Variants in ADAMTSL1 observed in about 807,000 individuals in gnomAD.
ADAMTSL1 encodes ADAMTS like 1, also known as ADAMTS-like protein 1.
ADAMTSL1 carries 126 observed loss-of-function variants against 201.8 expected under a neutral mutation model. The ratio of observed to expected loss-of-function variants is 0.62; its 90% CI spans 0.54 to 0.72. The LOEUF (loss-of-function observed/expected upper bound fraction) is 0.72. Among genes scored for constraint, ADAMTSL1 ranks in the 30% least tolerant of loss-of-function variants. The pLI is 0.00. For synonymous variants in ADAMTSL1, 1,121 were observed against 903.4 expected (o/e 1.24, Z -4.32); for missense variants, 2,679 against 2,277.8 (o/e 1.18, Z -3.59).
intron 23 of ADAMTSL1, among the ~76,000 whole-genome samples, chr9:18,870,768 A>G (rs995913924): frequency 1.3e-5 from 2 of 151,354 alleles, no homozygotes; most frequent in Non-Finnish European, 3.0e-5. Context: ...TAATTCTTCA[A>G]TGTTTTCAAG....
intron 1 of ADAMTSL1, among the ~76,000 whole-genome samples, chr9:18,100,095 T>A (rs1349792522): frequency 6.6e-6 from 1 of 152,184 alleles, no homozygotes; most frequent in Non-Finnish European, 1.5e-5. Flanking sequence ...GTTTCATTTT[T>A]CTTAATATTG....
rs188538738 is a variant in ADAMTSL1, at chr9:18,317,328, C to T, written c.207+153347C>T. ...GGGGGTCGAATGTACAGCATGGTGA[C>T]TTTTATTAATAATACTGTATGGTTT... On this transcript the variant is annotated intron_variant, in intron 2 of 29. Transcript: ENST00000680146. Among the ~76,000 whole-genome samples, 68 of 151,796 alleles carry T rather than the reference C, an allele frequency of 4.5e-4. 1 individual carries two copies. The highest frequency in any genetic ancestry group is 3.7e-3 in the Admixed American group (56 of 15,234).
chr9:18,824,652 C>CCATTCTTG (rs1362736515), intron 21 of ADAMTSL1, among the ~76,000 whole-genome samples: 2 of 150,736 alleles, frequency 1.3e-5, no homozygotes, highest in Non-Finnish European at 2.9e-5. Context: ...GGCTCCTTGG[C>CCATTCTTG]CATTCTTGGC....
At chr9:18,519,784 A>T (rs886285167) in intron 2 of ADAMTSL1, among the ~76,000 whole-genome samples, 3 of 152,168 alleles carry the variant, frequency 2.0e-5, no homozygotes, top group Admixed American at 6.5e-5. Context: ...TGGAGTGCTT[A>T]TTGTACATTG....
intron 1 of ADAMTSL1, among the ~76,000 whole-genome samples, chr9:18,114,508 A>G (rs188191170): frequency 1.4e-4 from 21 of 152,278 alleles, no homozygotes; most frequent in African/African-American, 4.8e-4. Context: ...GGAGGAGAGG[A>G]AAACCTGAGT....
At chr9:18,701,340 C>T (rs1394076817) in intron 13 of ADAMTSL1, among the ~76,000 whole-genome samples, 1 of 151,574 alleles carries the variant, frequency 6.6e-6, no homozygotes, top group African/African-American at 2.4e-5. Context: ...CTGCCTCAGC[C>T]TCCTGAATAG....
intron 1 of ADAMTSL1, among the ~76,000 whole-genome samples, chr9:18,030,866 T>A (rs1820922392): frequency 6.6e-6 from 1 of 152,170 alleles, no homozygotes; most frequent in Non-Finnish European, 1.5e-5. Context: ...TTTTAAAAAT[T>A]CATTTTTCTT....
At chr9:18,041,045 CA>C (rs1363341288) in intron 1 of ADAMTSL1, among the ~76,000 whole-genome samples, 2 of 152,086 alleles carry the variant, frequency 1.3e-5, no homozygotes, top group Admixed American at 6.5e-5. Flanking sequence ...ACTAGGGGGG[CA>C]ATAGTGATCT....
intron 4 of ADAMTSL1, 55 bp from the exon 5 acceptor site, chr9:18,622,188 G>A (rs199758941): frequency 6.3e-7 from 1 of 1,592,124 alleles, no homozygotes; most frequent in East Asian, 2.2e-5. Flanking sequence ...GCCTCATAAT[G>A]GATTTTGCCA....
chr9:17,928,083 T>C (rs1826627054), intron 1 of ADAMTSL1, among the ~76,000 whole-genome samples: 1 of 151,530 alleles, frequency 6.6e-6, no homozygotes, highest in Non-Finnish European at 1.5e-5. Flanking sequence ...CAGCCTCGAC[T>C]TCCTGGGCTC....
At chr9:18,320,612 A>C (rs1422205192) in intron 2 of ADAMTSL1, among the ~76,000 whole-genome samples, 1 of 152,200 alleles carries the variant, frequency 6.6e-6, no homozygotes, top group Non-Finnish European at 1.5e-5. Context: ...CAGTTTTCTA[A>C]ATTTCTTTTA....
At chr9:18,893,459 C>G (rs1829421477) in intron 26 of ADAMTSL1, among the ~76,000 whole-genome samples, 1 of 152,200 alleles carries the variant, frequency 6.6e-6, no homozygotes, top group Non-Finnish European at 1.5e-5. Flanking sequence ...CCCTCCTCCT[C>G]TTTTCTACAA....
chr9:18,723,238 A>T (rs1447258993), intron 15 of ADAMTSL1: 1 of 638,076 alleles, frequency 1.6e-6, no homozygotes, highest in Non-Finnish European at 2.8e-6. Context: ...AGGCAGAAGC[A>T]TTAAACAGCT....
intron 2 of ADAMTSL1, among the ~76,000 whole-genome samples, chr9:18,439,816 C>A (rs1350939135): frequency 6.6e-6 from 1 of 152,146 alleles, no homozygotes; most frequent in East Asian, 1.9e-4. Flanking sequence ...ATATTATTAT[C>A]CCATTTCATC....
At chr9:18,295,174 A>G (rs73428917) in intron 2 of ADAMTSL1, among the ~76,000 whole-genome samples, 5,447 of 152,222 alleles carry the variant, frequency 0.036, 181 homozygotes, top group African/African-American at 0.088. Context: ...TTGCAACCCA[A>G]AAGTGATGAG....
chr9:18,619,336 G>C (rs1170555449), intron 4 of ADAMTSL1, among the ~76,000 whole-genome samples: 1 of 151,888 alleles, frequency 6.6e-6, no homozygotes, highest in Non-Finnish European at 1.5e-5. Context: ...CTGATATAAA[G>C]TATTCCACAT....
chr9:17,986,519 T>C (rs904670102), intron 1 of ADAMTSL1, among the ~76,000 whole-genome samples: 2 of 152,120 alleles, frequency 1.3e-5, no homozygotes, highest in African/African-American at 2.4e-5. Context: ...TGTCATTTTG[T>C]AAAGAAGTGT....
chr9:18,259,250 A>G (rs1325274121), intron 2 of ADAMTSL1, among the ~76,000 whole-genome samples: 1 of 151,942 alleles, frequency 6.6e-6, no homozygotes, highest in African/African-American at 2.4e-5. Flanking sequence ...ACCACCTACT[A>G]CCCATCTTAG....
chr9:18,352,483 T>TC (rs1342502423), intron 2 of ADAMTSL1, among the ~76,000 whole-genome samples: 1 of 152,222 alleles, frequency 6.6e-6, no homozygotes, highest in Non-Finnish European at 1.5e-5. Flanking sequence ...GGCCTTGTTC[T>TC]GTATGTAACT....
Sources: gnomAD v4.1 joint callset for allele counts (sites outside exome capture counted in the v4.1 genomes callset) on GRCh38, gnomAD v4.1.1 for gene constraint, MANE v1.5 for transcripts, NCBI Gene and HGNC (gene_info 2026-07-23, HGNC 2026-07-21) for gene names.